The following ELMOD3 variants were observed in gnomAD, a reference collection of about 807,000 sequenced individuals.
ELMOD3 encodes ELMO domain-containing protein 3.
ELMOD3 carries 36 observed loss-of-function variants against 47.4 expected under a neutral mutation model. The observed-to-expected ratio is 0.76, with a 90% CI of 0.58 to 1.00. ELMOD3 has a LOEUF of 1.00. Ranked by LOEUF, ELMOD3 falls within the 50% of genes least tolerant of loss-of-function variation. ELMOD3 has a pLI of 0.00. For missense variants in ELMOD3, 404 were observed against 463.8 expected, an observed-to-expected ratio of 0.87 and a Z score of 1.18; for synonymous variants, 149 against 183.5, an observed-to-expected ratio of 0.81 and a Z score of 1.52.
At chr2:85,364,826 T>TATATATA (rs1553417118) in intron 6 of ELMOD3, among the ~76,000 whole-genome samples, 398 of 54,376 alleles carry the variant, frequency 7.3e-3, no homozygotes, top group Middle Eastern at 0.022. Flanking sequence ...TATATATATA[T>TATATATA]TTTTTTTTTT....
At chr2:85,365,941 T>G (rs1684350186) in intron 6 of ELMOD3, among the ~76,000 whole-genome samples, 1 of 151,962 alleles carries the variant, frequency 6.6e-6, no homozygotes. Context: ...CATTGCATCC[T>G]GCTGTTCTAC....
intron 13 of ELMOD3, 79 bp from the exon 14 acceptor site, chr2:85,390,681 C>A: frequency 6.6e-7 from 1 of 1,520,956 alleles, no homozygotes; most frequent in Non-Finnish European, 8.8e-7. Context: ...CTCCCTAGAG[C>A]TGCTAGGCTT....
At chr2:85,381,332 C>T (rs1573137597) in intron 11 of ELMOD3, among the ~76,000 whole-genome samples, 3 of 152,186 alleles carry the variant, frequency 2.0e-5, no homozygotes, top group African/African-American at 7.2e-5. Context: ...AAAGCAATAA[C>T]TCAAGGATTT....
chr2:85,382,112 T>TG (rs1685590481), intron 11 of ELMOD3, among the ~76,000 whole-genome samples: 1 of 72,198 alleles, frequency 1.4e-5, no homozygotes, highest in Non-Finnish European at 2.6e-5. Context: ...GCAAGACTCC[T>TG]TCTCAAAAAA....
At chr2:85,356,776 G>T (rs539568805) in intron 3 of ELMOD3, 191 bp from the exon 4 acceptor site, 355 of 153,432 alleles carry the variant, frequency 2.3e-3, no homozygotes, top group Non-Finnish European at 3.4e-3. Flanking sequence ...AGCTACTCGG[G>T]AGACTGGGAC....
At position 85,364,825 on chromosome 2, in the gene ELMOD3, A is replaced by ATAT. The variant is rs375582916; in HGVS notation, c.199+1660_199+1661insATT. Among the ~76,000 whole-genome samples, 198 of 69,906 alleles carry ATAT rather than the reference A, an allele frequency of 2.8e-3. 2 individuals are homozygous for ATAT. The highest frequency in any genetic ancestry group is 4.0e-3 in the Non-Finnish European group (158 of 39,610). The allele number at this position is 69,906 out of a possible 152,430, so 45.9% of individuals were successfully genotyped here. A position where few individuals can be genotyped will look rare whatever the true frequency, so the allele number is the denominator to read the frequency against. ...AATACATATATATATATATATATAT[A>ATAT]TTTTTTTTTTTTTTTTTTTTTTTCT... is the stretch of plus-strand genomic sequence containing the variant. On this transcript the variant is annotated intron_variant, in intron 6 of 13. Transcript: ENST00000409013.
intron 4 of ELMOD3, 24 bp from the exon 5 acceptor site, chr2:85,362,162 G>C: frequency 1.4e-6 from 2 of 1,406,240 alleles, no homozygotes; most frequent in Non-Finnish European, 2.0e-6. Context: ...GTGCCTAGGA[G>C]ATTGACCCTT....
At chr2:85,362,108 A>G in intron 4 of ELMOD3, 78 bp from the exon 5 acceptor site, 1 of 977,892 alleles carries the variant, frequency 1.0e-6, no homozygotes, top group Non-Finnish European at 1.6e-6. Context: ...GTTAAAAAAA[A>G]AAAAAGTATG....
chr2:85,377,572 A>G, intron 11 of ELMOD3, 98 bp downstream of exon 11: 6 of 1,318,034 alleles, frequency 4.6e-6, no homozygotes, highest in Non-Finnish European at 6.2e-6. Context: ...TAAACCAGGA[A>G]TGGGCTTCCC....
In ELMOD3 at chr2:85,368,675, T is replaced by C. The variant is rs778427720; in HGVS notation, c.200-11T>C. On this transcript the variant is annotated splice_polypyrimidine_tract_variant and intron_variant, in intron 6 of 13. Coordinates refer to ENST00000409013, the MANE Select transcript of ELMOD3 (RefSeq NM_001135022.2). ...GATCTCAGAGGGTCTCCTTTTCTCC[T>C]ACTATTGCAGTTGTGAGTACAGAGG... 6.2e-7 allele frequency: 1 copy of C among 1,613,822 alleles called. No individual in the cohort carries two copies. Among genetic ancestry groups the C allele is most frequent in the African/African-American group, 1.3e-5 (1 of 74,880 alleles).
intron 4 of ELMOD3, among the ~76,000 whole-genome samples, chr2:85,358,193 C>T (rs960656815): frequency 1.9e-4 from 29 of 150,596 alleles, no homozygotes; most frequent in African/African-American, 5.6e-4. Flanking sequence ...GCAAGAGAAT[C>T]GCTTGAACCC....
intron 11 of ELMOD3, among the ~76,000 whole-genome samples, chr2:85,380,559 CTGTCGCGCAGGG>C (rs142581334): frequency 0.049 from 7,515 of 152,252 alleles, 273 homozygotes; most frequent in Non-Finnish European, 0.072. Flanking sequence ...TACTCTTGCT[CTGTCGCGCAGGG>C]TGAAGTGCAA....
intron 11 of ELMOD3, among the ~76,000 whole-genome samples, chr2:85,381,603 G>A (rs1685541187): frequency 6.6e-6 from 1 of 152,190 alleles, no homozygotes; most frequent in South Asian, 2.1e-4. Context: ...TTTTGCATCA[G>A]TGTGCCTTTG....
At chr2:85,371,610 G>C (rs1201667185) in intron 10 of ELMOD3, 48 bp downstream of exon 10, 2 of 1,610,298 alleles carry the variant, frequency 1.2e-6, no homozygotes, top group Non-Finnish European at 8.5e-7. Flanking sequence ...TCTGATTCCA[G>C]GACTAGAGTG....
At chr2:85,387,176 G>A in intron 11 of ELMOD3, 1 of 1,268,638 alleles carries the variant, frequency 7.9e-7, no homozygotes, top group Non-Finnish European at 1.0e-6. Flanking sequence ...AAGGTACAGA[G>A]GTATACATGA....
In ELMOD3 at chr2:85,364,811, A is replaced by ATT. The variant is rs1573094821; in HGVS notation, c.199+1646_199+1647insTT. On this transcript the variant is annotated intron_variant, in intron 6 of 13. Coordinates refer to ENST00000409013, the MANE Select transcript of ELMOD3 (RefSeq NM_001135022.2). ...TAATTTTTACTTTAAATACATATAT[A>ATT]TATATATATATATATTTTTTTTTTT... Among the ~76,000 whole-genome samples, 18 of 79,728 alleles carry ATT rather than the reference A, an allele frequency of 2.3e-4. No homozygotes were observed. The East Asian group carries it at 5.0e-3, about 22-fold the overall frequency. 52.3% of individuals were successfully genotyped at this position (79,728 alleles called of 152,430 possible).
chr2:85,370,486 G>A (rs1488916775), intron 8 of ELMOD3, among the ~76,000 whole-genome samples: 1 of 151,934 alleles, frequency 6.6e-6, no homozygotes, highest in Non-Finnish European at 1.5e-5. Flanking sequence ...AGAGAAATGT[G>A]ATTTCAGGTC....
chr2:85,382,003 G>C (rs1490814101), intron 11 of ELMOD3, among the ~76,000 whole-genome samples: 8 of 149,470 alleles, frequency 5.4e-5, no homozygotes, highest in Non-Finnish European at 8.9e-5. Flanking sequence ...TGTAATCCCA[G>C]CTACTCGGGA....
rs879597875 is a variant in ELMOD3, at chr2:85,358,688, C to CAAAAA, written c.54+1443_54+1447dup. Among the ~76,000 whole-genome samples the CAAAAA allele has an allele frequency of 2.2e-5, 3 of 137,352 alleles. No homozygotes were observed. In the East Asian group the frequency reaches 6.2e-4, roughly 29 times the overall value. 90.1% of individuals were successfully genotyped at this position (137,352 alleles called of 152,430 possible). ...GTTTAATGAGCATTAGTTGGAAAGGCAAAAAAAAAAAGCAGAAGGATTAGA... is the reference window on the plus strand; with the variant it reads ...GTTTAATGAGCATTAGTTGGAAAGGCAAAAAAAAAAAAAAAAGCAGAAGGATTAGA... On this transcript the variant is annotated intron_variant, in intron 4 of 13. Transcript: ENST00000409013.
Sources: allele counts gnomAD v4.1 joint callset (sites outside exome capture counted in the v4.1 genomes callset), GRCh38; gene constraint gnomAD v4.1.1; transcripts MANE v1.5; gene names NCBI Gene and HGNC (gene_info 2026-07-23, HGNC 2026-07-21).